EMSY: variants seen among roughly 807,000 people sequenced by gnomAD.
EMSY encodes EMSY transcriptional repressor, BRCA2 interacting.
Under a neutral mutation model 134.6 loss-of-function variants are expected in EMSY, and 26 were observed. That is an observed-to-expected ratio of 0.19 (90% CI 0.14 to 0.27). EMSY has a LOEUF of 0.27. Among genes scored for constraint, EMSY ranks in the 10% least tolerant of loss-of-function variants. The pLI is 1.00. For missense variants in EMSY, 1,305 were observed against 1,611.4 expected (o/e 0.81, Z 3.26); for synonymous variants, 579 against 577.8 (o/e 1.00, Z -0.03).
chr11:76,455,644 G>A (rs1486076910), intron 4 of EMSY, among the ~76,000 whole-genome samples: 9 of 152,112 alleles, frequency 5.9e-5, no homozygotes, highest in Non-Finnish European at 1.0e-4. Context: ...CACAAAGGAG[G>A]GGGAAACAAA....
At chr11:76,472,461 C>A in intron 7 of EMSY, 103 bp from the exon 9 acceptor site, 1 of 1,123,420 alleles carries the variant, frequency 8.9e-7, no homozygotes, top group Non-Finnish European at 1.2e-6. Context: ...ATTGCTTCTT[C>A]GTTTTTCATA....
At chr11:76,477,618 T>C (rs970672646) in intron 8 of EMSY, among the ~76,000 whole-genome samples, 2 of 152,162 alleles carry the variant, frequency 1.3e-5, no homozygotes, top group Non-Finnish European at 2.9e-5. Flanking sequence ...ATAAGTCTGG[T>C]GCTGGTAATA....
At chr11:76,449,428 T>A (rs1947560693) in intron 2 of EMSY, among the ~76,000 whole-genome samples, 1 of 152,338 alleles carries the variant, frequency 6.6e-6, no homozygotes, top group East Asian at 1.9e-4. Context: ...AGACTTGAAA[T>A]GTCAGAAATA....
intron 13 of EMSY, among the ~76,000 whole-genome samples, chr11:76,527,279 T>C (rs1015538509): frequency 2.3e-4 from 35 of 152,176 alleles, no homozygotes; most frequent in African/African-American, 8.0e-4. Context: ...TATAAACTAC[T>C]AATTTACTTT....
At chr11:76,524,480 A>C (rs1319334222) in intron 12 of EMSY, among the ~76,000 whole-genome samples, 2 of 152,212 alleles carry the variant, frequency 1.3e-5, no homozygotes, top group Non-Finnish European at 2.9e-5. Context: ...GTGGGAAAAC[A>C]GATTGCTCCT....
intron 8 of EMSY, among the ~76,000 whole-genome samples, chr11:76,493,627 A>G (rs1309265965): frequency 6.6e-6 from 1 of 152,268 alleles, no homozygotes; most frequent in East Asian, 1.9e-4. Flanking sequence ...TGTGGAAAGG[A>G]GCTACCCACT....
At chr11:76,514,287 A>C (rs764173640) in intron 10 of EMSY, among the ~76,000 whole-genome samples, 4 of 152,156 alleles carry the variant, frequency 2.6e-5, no homozygotes, top group Non-Finnish European at 4.4e-5. Flanking sequence ...GTCACTATTA[A>C]TATTATAATT....
At chr11:76,445,720 A>T (rs1947355483) in intron 1 of EMSY, among the ~76,000 whole-genome samples, 1 of 152,118 alleles carries the variant, frequency 6.6e-6, no homozygotes, top group East Asian at 1.9e-4. Flanking sequence ...ACGCGCCGGG[A>T]TGCCGTGACG....
chr11:76,516,954 T>C (rs1049767560), intron 11 of EMSY: 1 of 152,208 alleles, frequency 6.6e-6, no homozygotes, highest in Non-Finnish European at 1.5e-5. Flanking sequence ...CTGGTTTTTA[T>C]TGGCTCATTA....
At chr11:76,479,417 C>A (rs879338635) in intron 8 of EMSY, among the ~76,000 whole-genome samples, 1 of 152,212 alleles carries the variant, frequency 6.6e-6, no homozygotes, top group Non-Finnish European at 1.5e-5. Context: ...ACAAGCACTT[C>A]CACAGAGGGT....
intron 8 of EMSY, among the ~76,000 whole-genome samples, chr11:76,490,076 G>C (rs373218232): frequency 2.0e-5 from 3 of 152,010 alleles, no homozygotes; most frequent in Non-Finnish European, 2.9e-5. Context: ...TTATCGGTAG[G>C]ATTGAGTTTA....
chr11:76,496,391 G>A (rs1450879156), exon 9 of EMSY: 12 of 1,614,000 alleles, frequency 7.4e-6, no homozygotes, highest in African/African-American at 1.3e-5. Flanking sequence ...GCCTTCTCCA[G>A]TATCTCATCA....
At chr11:76,521,753 C>A (rs1442149441) in intron 11 of EMSY, among the ~76,000 whole-genome samples, 4 of 149,574 alleles carry the variant, frequency 2.7e-5, no homozygotes, top group Non-Finnish European at 4.4e-5. Flanking sequence ...CAGAGTGAGA[C>A]CCTGTTTCTC....
At chr11:76,545,110 C>A (rs1391903189) in intron 19 of EMSY, among the ~76,000 whole-genome samples, 2 of 152,086 alleles carry the variant, frequency 1.3e-5, no homozygotes, top group Non-Finnish European at 2.9e-5. Flanking sequence ...AAGCGATATC[C>A]CTAAATTATT....
chr11:76,472,956 A>T, intron 8 of EMSY, 116 bp downstream of exon 9: 1 of 1,076,826 alleles, frequency 9.3e-7, no homozygotes, highest in Non-Finnish European at 1.3e-6. Context: ...TAGACCCAAG[A>T]TCACCACCCC....
downstream of EMSY, chr11:76,552,242 C>G (rs1355324456): frequency 6.6e-6 from 1 of 152,112 alleles, no homozygotes; most frequent in Non-Finnish European, 1.5e-5. Flanking sequence ...CCATAGTGAA[C>G]AAACAGGAAA....
At chr11:76,464,130 A>G (rs754757665) in intron 7 of EMSY, 50 bp downstream of exon 8, 7 of 1,601,366 alleles carry the variant, frequency 4.4e-6, no homozygotes, top group African/African-American at 1.3e-5. Flanking sequence ...TTCAGACAGT[A>G]TGATTCAGAT....
intron 11 of EMSY, among the ~76,000 whole-genome samples, chr11:76,519,643 AC>A (rs1292254469): frequency 9.9e-5 from 15 of 152,188 alleles, no homozygotes; most frequent in Non-Finnish European, 1.6e-4. Context: ...ATAAAACATT[AC>A]CTAAGAGACC....
chr11:76,545,202 T>C (rs1251426941), intron 19 of EMSY, among the ~76,000 whole-genome samples: 2 of 152,180 alleles, frequency 1.3e-5, no homozygotes, highest in African/African-American at 4.8e-5. Flanking sequence ...AACTACAGTC[T>C]TTTAAGGAAC....
Sources: allele counts gnomAD v4.1 joint callset (sites outside exome capture counted in the v4.1 genomes callset), GRCh38; gene constraint gnomAD v4.1.1; transcripts MANE v1.5; gene names NCBI Gene and HGNC (gene_info 2026-07-23, HGNC 2026-07-21).